The following BRIP1 variants were observed in gnomAD, a reference collection of about 807,000 sequenced individuals.
BRIP1 encodes Fanconi anemia group J protein.
A neutral mutation model predicts 119.7 loss-of-function variants in BRIP1; 88 were observed. That is an observed-to-expected ratio of 0.74 (90% confidence interval 0.62 to 0.88). BRIP1 has a LOEUF of 0.88. Among genes scored for constraint, BRIP1 ranks in the 40% least tolerant of loss-of-function variants. The pLI is 0.00. For synonymous variants in BRIP1, 443 were observed against 496.5 expected, an observed-to-expected ratio of 0.89 and a Z score of 1.43; for missense variants, 1,259 against 1,455.4, an observed-to-expected ratio of 0.87 and a Z score of 2.20.
rs72842963 is a variant in BRIP1 at position 61,715,642 on chromosome 17, C to A, written c.2492+309G>T. Among the ~76,000 whole-genome samples, 1,490 of 152,194 alleles carry A rather than the reference C, an allele frequency of 9.8e-3. 11 individuals carry two copies. Among genetic ancestry groups the A allele is most frequent in the South Asian group, 0.022 (105 of 4,828 alleles). On this transcript the variant is annotated intron_variant, in intron 17 of 19. Transcript: ENST00000259008. Reference sequence around the variant, plus strand: ...TATCTGAGCTTTGATGTTCACAAGACAAAACTTTTTTGATTTGATAAGCTT... The same window carrying A: ...TATCTGAGCTTTGATGTTCACAAGAAAAAACTTTTTTGATTTGATAAGCTT...
At chr17:61,854,971 G>A (rs551684014) in intron 4 of BRIP1, among the ~76,000 whole-genome samples, 81 of 152,086 alleles carry the variant, frequency 5.3e-4, no homozygotes, top group African/African-American at 1.9e-3. Flanking sequence ...ACAACATAGA[G>A]GAATCTCAAA....
chr17:61,720,464 T>G lies in BRIP1; in HGVS notation c.2380-4401A>C, dbSNP rs753572322. On this transcript the variant is annotated intron_variant, in intron 16 of 19. Transcript: ENST00000259008. The surrounding 1 kb of genome is among the most constrained non-coding windows in gnomAD (Gnocchi z 4.3). ...GGCTTTCAAGATATATTAACAAAAC[T>G]TATACAGCAGTTCCCTCTTATCTGC... Among the ~76,000 whole-genome samples the G allele has an allele frequency of 4.6e-5, 7 of 152,232 alleles. No individual in the cohort carries two copies. The highest frequency in any genetic ancestry group is 2.0e-4 in the Admixed American group (3 of 15,286).
In BRIP1 at chr17:61,683,091, A is replaced by G; in HGVS notation, c.*205T>C. ...GGTTGCAGTGAGCCCAGAGCACACCACTGCATTCCAGCCTGGGCAACAGAC... is the reference window on the plus strand; with the variant it reads ...GGTTGCAGTGAGCCCAGAGCACACCGCTGCATTCCAGCCTGGGCAACAGAC... On this transcript the variant is annotated 3_prime_UTR_variant, in exon 20 of 20. Coordinates refer to ENST00000259008, the MANE Select transcript of BRIP1 (RefSeq NM_032043.3). The surrounding 1 kb of genome is among the most constrained non-coding windows in gnomAD (Gnocchi z 4.7). The G allele has an allele frequency of 1.8e-6, 1 of 568,182 alleles. No homozygotes were observed. The highest frequency in any genetic ancestry group is 5.1e-4 in the Middle Eastern group (1 of 1,976). 35.2% of individuals were successfully genotyped at this position (568,182 alleles called of 1,614,324 possible). A position where few individuals can be genotyped will look rare whatever the true frequency, so the allele number is the denominator to read the frequency against.
rs1299764862 is a variant in BRIP1 at position 61,769,905 on chromosome 17, C to A, written c.2097+6496G>T. ...GTGAGAAACTCCTAGGGGCTGCAGT[C>A]TTGCCAGGGGGCCCACAATTTTTAA... On this transcript the variant is annotated intron_variant, in intron 14 of 19. Transcript: ENST00000259008. The surrounding 1 kb of genome is among the most constrained non-coding windows in gnomAD (Gnocchi z 4.9). 3.3e-5 allele frequency among the ~76,000 whole-genome samples: 5 copies of A among 152,206 alleles called. No individual in the cohort carries two copies.
rs1042915950 is a variant in BRIP1, at chr17:61,825,336, C to T, written c.628-16579G>A. Among the ~76,000 whole-genome samples, 14 of 151,458 alleles carry T rather than the reference C, an allele frequency of 9.2e-5. No individual in the cohort carries two copies. Among genetic ancestry groups the T allele is most frequent in the African/African-American group, 3.2e-4 (13 of 41,230 alleles). On this transcript the variant is annotated intron_variant, in intron 6 of 19. Transcript: ENST00000259008. This position sits in a 1 kb window ranked among gnomAD's most constrained non-coding sequence, Gnocchi z 4.1. ...GAAAAGAAAAGGAAGCCCTCTCTCACCACTCTTATTAAACATATTATTGGA... is the reference window on the plus strand; with the variant it reads ...GAAAAGAAAAGGAAGCCCTCTCTCATCACTCTTATTAAACATATTATTGGA...
Position 61,799,013 on chromosome 17 carries a change from G to C in BRIP1, c.1340+87C>G. 1 of 1,359,084 alleles carries C rather than the reference G, an allele frequency of 7.4e-7. No individual in the cohort carries two copies. Among genetic ancestry groups the C allele is most frequent in the Non-Finnish European group, 1.0e-6 (1 of 955,322 alleles). 84.2% of individuals were successfully genotyped at this position (1,359,084 alleles called of 1,614,324 possible). A position where few individuals can be genotyped will look rare whatever the true frequency, so the allele number is the denominator to read the frequency against. On this transcript the variant is annotated intron_variant, in intron 9 of 19. Transcript: ENST00000259008. The surrounding 1 kb of genome is among the most constrained non-coding windows in gnomAD (Gnocchi z 5.1). ...TTCCCAAGAAGCCTAGTTAACCAAAGTTTACTAACTTTAAATACTCTGGCA... is the reference window on the plus strand; with the variant it reads ...TTCCCAAGAAGCCTAGTTAACCAAACTTTACTAACTTTAAATACTCTGGCA...
intron 6 of BRIP1, among the ~76,000 whole-genome samples, chr17:61,826,731 T>TG (rs377344739): frequency 1.3e-5 from 1 of 75,318 alleles, no homozygotes; most frequent in Non-Finnish European, 2.5e-5. Context: ...TATTAAAAAG[T>TG]AAAAAAAAAA....
intron 17 of BRIP1, among the ~76,000 whole-genome samples, chr17:61,694,578 A>T (rs1454639925): frequency 6.6e-6 from 1 of 152,046 alleles, no homozygotes; most frequent in African/African-American, 2.4e-5. Context: ...TTCTATGTTT[A>T]ACTTTTTCAA....
intron 8 of BRIP1, among the ~76,000 whole-genome samples, chr17:61,800,222 GAGTAC>G (rs1270940958): frequency 6.6e-6 from 1 of 152,132 alleles, no homozygotes; most frequent in Non-Finnish European, 1.5e-5. Context: ...GCAATAGAAA[GAGTAC>G]TGACTAATAC....
At chr17:61,826,342 T>C (rs1339853020) in intron 6 of BRIP1, among the ~76,000 whole-genome samples, 1 of 152,064 alleles carries the variant, frequency 6.6e-6, no homozygotes, top group Non-Finnish European at 1.5e-5. Flanking sequence ...CAGGCAAAGA[T>C]TTCATGATGA....
At chr17:61,787,587 A>G (rs1192222775) in intron 10 of BRIP1, among the ~76,000 whole-genome samples, 2 of 150,898 alleles carry the variant, frequency 1.3e-5, no homozygotes, top group Non-Finnish European at 3.0e-5. Flanking sequence ...AAAGGGTGCA[A>G]TACTAGTAAT....
chr17:61,785,459 T>G (rs969606832), intron 10 of BRIP1, among the ~76,000 whole-genome samples: 1 of 152,134 alleles, frequency 6.6e-6, no homozygotes, highest in African/African-American at 2.4e-5. Context: ...TAAAATGTGT[T>G]CAATGAAAAT....
chr17:61,688,160 T>C (rs1378181638), intron 18 of BRIP1, among the ~76,000 whole-genome samples: 4 of 152,118 alleles, frequency 2.6e-5, no homozygotes, highest in African/African-American at 4.8e-5. Flanking sequence ...TAGCATACTC[T>C]GTATGCCTGG....
intron 14 of BRIP1, among the ~76,000 whole-genome samples, chr17:61,763,204 C>T (rs534122122): frequency 3.1e-4 from 47 of 152,002 alleles, no homozygotes; most frequent in Non-Finnish European, 6.3e-4. Context: ...GTCTAATGTC[C>T]TCCAGATTCA....
At chr17:61,849,609 CCTA>C (rs2078787963) in intron 4 of BRIP1, among the ~76,000 whole-genome samples, 2 of 152,194 alleles carry the variant, frequency 1.3e-5, no homozygotes. Context: ...ACGTTTCTTC[CCTA>C]CTAAGTTTCT....
chr17:61,825,676 G>C lies in BRIP1; in HGVS notation c.628-16919C>G, dbSNP rs1265448072. The stretch of plus-strand genomic sequence containing the variant: ...AAATAAATAAATAAATAAAATAACT[G>C]GGAATACAACTAACCAGGTAGGTGA... On this transcript the variant is annotated intron_variant, in intron 6 of 19. Transcript: ENST00000259008. The surrounding 1 kb of genome is among the most constrained non-coding windows in gnomAD (Gnocchi z 4.1). 6.7e-6 allele frequency among the ~76,000 whole-genome samples: 1 copy of C among 148,350 alleles called. No individual in the cohort carries two copies. Among genetic ancestry groups the C allele is most frequent in the Non-Finnish European group, 1.5e-5 (1 of 66,884 alleles).
Position 61,752,416 on chromosome 17 carries a change from G to C in BRIP1, c.2098-7825C>G, listed in dbSNP as rs1188849598. Among the ~76,000 whole-genome samples, 1 of 152,162 alleles carries C rather than the reference G, an allele frequency of 6.6e-6. No individual in the cohort carries two copies. The highest frequency in any genetic ancestry group is 1.5e-5 in the Non-Finnish European group (1 of 68,020). On this transcript the variant is annotated intron_variant, in intron 14 of 19. Coordinates refer to ENST00000259008, the MANE Select transcript of BRIP1 (RefSeq NM_032043.3). This position sits in a 1 kb window ranked among gnomAD's most constrained non-coding sequence, Gnocchi z 6.2. Reference sequence around the variant, plus strand: ...TTCAAATGGAGGCAAAGGCCCACTAGAAGATTATCTAGGGAAATACACTTT... The same window carrying C: ...TTCAAATGGAGGCAAAGGCCCACTACAAGATTATCTAGGGAAATACACTTT...
chr17:61,692,576 C>T (rs1307587103), intron 18 of BRIP1, among the ~76,000 whole-genome samples: 1 of 152,114 alleles, frequency 6.6e-6, no homozygotes, highest in Non-Finnish European at 1.5e-5. Flanking sequence ...CCAAAGAAGA[C>T]ATATGATTTG....
At chr17:61,764,478 GACT>G (rs2144880185) in intron 14 of BRIP1, among the ~76,000 whole-genome samples, 1 of 152,240 alleles carries the variant, frequency 6.6e-6, no homozygotes, top group African/African-American at 2.4e-5. Context: ...TATATTTGGA[GACT>G]ACCACTGCAT....
Sources: gnomAD v4.1 joint callset for allele counts (sites outside exome capture counted in the v4.1 genomes callset) on GRCh38, gnomAD v4.1.1 for gene constraint, Gnocchi (gnomAD v3.1) non-coding constraint, MANE v1.5 for transcripts, NCBI Gene and HGNC (gene_info 2026-07-23, HGNC 2026-07-21) for gene names.